The following RABGEF1 variants were observed in gnomAD, a reference collection of about 807,000 sequenced individuals.
RABGEF1 encodes the protein RAB guanine nucleotide exchange factor 1, also known as rab5 GDP/GTP exchange factor.
A neutral mutation model predicts 57.3 loss-of-function variants in RABGEF1; 26 were observed. The observed-to-expected ratio is 0.45, with a 90% CI of 0.33 to 0.63. RABGEF1 has a LOEUF of 0.63. Among genes scored for constraint, RABGEF1 ranks in the 20% least tolerant of loss-of-function variants. The pLI is 0.02. For missense variants in RABGEF1, 464 were observed against 607.6 expected (o/e 0.76, Z 2.48); for synonymous variants, 185 against 210.7 (o/e 0.88, Z 1.06).
At chr7:66,767,311 T>C (rs1318352270) in intron 1 of RABGEF1, among the ~76,000 whole-genome samples, 1 of 152,070 alleles carries the variant, frequency 6.6e-6, no homozygotes, top group Non-Finnish European at 1.5e-5. Context: ...CCGAGGTTTT[T>C]TTTTTGTTTA....
chr7:66,787,613 G>A (rs1584117681), intron 4 of RABGEF1, among the ~76,000 whole-genome samples: 3 of 152,112 alleles, frequency 2.0e-5, no homozygotes, highest in East Asian at 1.9e-4. Flanking sequence ...CCAATGTGCC[G>A]GGATTACAGG....
At chr7:66,783,269 CATT>C (rs1810392739) in intron 3 of RABGEF1, among the ~76,000 whole-genome samples, 2 of 152,176 alleles carry the variant, frequency 1.3e-5, no homozygotes, top group Admixed American at 6.5e-5. Flanking sequence ...ATTTATAAGT[CATT>C]TAACATGTCA....
chr7:66,804,725 T>G lies in RABGEF1; in HGVS notation c.821-415T>G, dbSNP rs559924203. Among the ~76,000 whole-genome samples, 102 of 129,938 alleles carry G rather than the reference T, an allele frequency of 7.8e-4. 1 individual carries two copies. The highest frequency in any genetic ancestry group is 2.9e-3 in the African/African-American group (99 of 34,166). The allele number at this position is 129,938 out of a possible 152,430, so 85.2% of individuals were successfully genotyped here. ...ACTCTCCAGCCTGGGCAACAAAGAG[T>G]GAAACTCAGTCTGAAAAAAAAAAAA... On this transcript the variant is annotated intron_variant, in intron 7 of 8. Coordinates refer to ENST00000284957, the MANE Select transcript of RABGEF1 (RefSeq NM_014504.3).
chr7:66,719,636 C>G (rs941835487), intron 2 of RABGEF1, among the ~76,000 whole-genome samples: 1 of 152,112 alleles, frequency 6.6e-6, no homozygotes, highest in Non-Finnish European at 1.5e-5. Context: ...CAATACTTCC[C>G]AAGTAATTTT....
At chr7:66,688,630 A>G (rs1453653857) in intron 1 of RABGEF1, among the ~76,000 whole-genome samples, 1 of 152,240 alleles carries the variant, frequency 6.6e-6, no homozygotes, top group African/African-American at 2.4e-5. Context: ...ACTCACAAAT[A>G]TATGGAAAGT....
intron 1 of RABGEF1, among the ~76,000 whole-genome samples, chr7:66,706,298 T>C (rs1794081039): frequency 6.6e-6 from 1 of 152,226 alleles, no homozygotes; most frequent in South Asian, 2.1e-4. Context: ...CATGTCTTAG[T>C]ATGAACATAT....
the RABGEF1 span, among the ~76,000 whole-genome samples, chr7:66,659,109 G>T: frequency 6.6e-6 from 1 of 152,120 alleles, no homozygotes; most frequent in Non-Finnish European, 1.5e-5. Flanking sequence ...GACAGTACAA[G>T]AAAACAACTG....
At chr7:66,677,777 A>G (rs1038526606), upstream of RABGEF1, among the ~76,000 whole-genome samples, 19 of 150,824 alleles carry the variant, frequency 1.3e-4, no homozygotes, top group African/African-American at 4.1e-4. Flanking sequence ...AAAAAAAAAA[A>G]AAAGAAATCT....
chr7:66,678,230 T>A (rs942983657), upstream of RABGEF1, among the ~76,000 whole-genome samples: 1 of 152,124 alleles, frequency 6.6e-6, no homozygotes, highest in African/African-American at 2.4e-5. Flanking sequence ...CCTCCCATCC[T>A]GCTGGTATTT....
rs369852308 is a variant in RABGEF1, at chr7:66,768,877, T to C, written c.-17-3006T>C. 3.1e-4 allele frequency: 47 copies of C among 152,228 alleles called. 1 individual carries two copies. The East Asian group carries it at 7.1e-3, about 23-fold the overall frequency. 9.4% of individuals were successfully genotyped at this position (152,228 alleles called of 1,614,324 possible). On this transcript the variant is annotated intron_variant, in intron 1 of 8. Coordinates refer to ENST00000284957, the MANE Select transcript of RABGEF1 (RefSeq NM_014504.3). ...CCACTCTGCCATGTCTTTCCACCACTGCCTGCACATTTGAGACCAAGGATA... is the reference window on the plus strand; with the variant it reads ...CCACTCTGCCATGTCTTTCCACCACCGCCTGCACATTTGAGACCAAGGATA...
At chr7:66,707,768 C>G (rs183166338) in intron 1 of RABGEF1, among the ~76,000 whole-genome samples, 83 of 152,246 alleles carry the variant, frequency 5.5e-4, no homozygotes, top group African/African-American at 1.9e-3. Context: ...GCAGTTTTTA[C>G]TTCATGTACT....
At chr7:66,791,202 C>G (rs1207429335) in intron 4 of RABGEF1, among the ~76,000 whole-genome samples, 2 of 152,178 alleles carry the variant, frequency 1.3e-5, no homozygotes, top group Non-Finnish European at 2.9e-5. Flanking sequence ...GCAAAATGAG[C>G]ATATGTATCT....
At chr7:66,710,709 A>G (rs1346405559) in intron 1 of RABGEF1, among the ~76,000 whole-genome samples, 1 of 152,202 alleles carries the variant, frequency 6.6e-6, no homozygotes, top group Non-Finnish European at 1.5e-5. Context: ...TTTTCCTCCT[A>G]TTTTGCCTGA....
At chr7:66,679,050 G>A (rs536606931), upstream of RABGEF1, among the ~76,000 whole-genome samples, 42 of 152,276 alleles carry the variant, frequency 2.8e-4, no homozygotes, top group Middle Eastern at 3.4e-3. Flanking sequence ...TCCAGCATCC[G>A]TGCTCTTGCT....
At chr7:66,789,086 A>G (rs1353514286) in intron 4 of RABGEF1, among the ~76,000 whole-genome samples, 4 of 152,256 alleles carry the variant, frequency 2.6e-5, no homozygotes, top group African/African-American at 7.2e-5. Flanking sequence ...GTTCTTTCCC[A>G]GAACAAGTAG....
At chr7:66,664,764 T>G in the RABGEF1 span, among the ~76,000 whole-genome samples, 1 of 152,228 alleles carries the variant, frequency 6.6e-6, no homozygotes, top group Non-Finnish European at 1.5e-5. Context: ...CGCCGGCGGC[T>G]GCCGCTTAAG....
chr7:66,706,535 G>A (rs1246694549), intron 1 of RABGEF1, among the ~76,000 whole-genome samples: 2 of 151,266 alleles, frequency 1.3e-5, no homozygotes, highest in African/African-American at 4.9e-5. Context: ...TCAGCCTTCT[G>A]AGTAGCTGGG....
chr7:66,691,897 A>T (rs1012487701), intron 1 of RABGEF1, among the ~76,000 whole-genome samples: 20 of 146,470 alleles, frequency 1.4e-4, no homozygotes, highest in Non-Finnish European at 2.4e-4. Flanking sequence ...CTACAAAATT[A>T]AAAAAAAAAA....
rs1469463368 is a variant in RABGEF1, at chr7:66,809,339, A to G, written c.*55A>G. On this transcript the variant is annotated 3_prime_UTR_variant, in exon 9 of 9. Coordinates refer to ENST00000284957, the MANE Select transcript of RABGEF1 (RefSeq NM_014504.3). Reference sequence around the variant, plus strand: ...GCCTAAATTGTAGGTAGCCCTTACTACACTCAACTGATTGGGATCTAGAAT... The same window carrying G: ...GCCTAAATTGTAGGTAGCCCTTACTGCACTCAACTGATTGGGATCTAGAAT... 11 of 1,507,246 alleles carry G rather than the reference A, an allele frequency of 7.3e-6. No homozygotes were observed. Among genetic ancestry groups the G allele is most frequent in the Admixed American group, 2.1e-5 (1 of 48,094 alleles). 93.4% of individuals were successfully genotyped at this position (1,507,246 alleles called of 1,614,324 possible).
Sources: gnomAD v4.1 joint callset for allele counts (sites outside exome capture counted in the v4.1 genomes callset) on GRCh38, gnomAD v4.1.1 for gene constraint, MANE v1.5 for transcripts, NCBI Gene and HGNC (gene_info 2026-07-23, HGNC 2026-07-21) for gene names.